Variants in CNTN5 observed in about 807,000 individuals in gnomAD.
CNTN5 encodes contactin-5.
In CNTN5, 77 loss-of-function variants were observed where a neutral mutation model predicts 129.1. That is an observed-to-expected ratio of 0.60 (90% CI 0.50 to 0.72). The LOEUF is 0.72. CNTN5 is among the 30% of genes least tolerant of loss of function. CNTN5 has a pLI of 0.00. For synonymous variants in CNTN5, 509 were observed against 465.6 expected (o/e 1.09, Z -1.20); for missense variants, 1,478 against 1,328.8 (o/e 1.11, Z -1.75).
At chr11:99,118,917 C>A (rs114762457) in intron 1 of CNTN5, among the ~76,000 whole-genome samples, 2 of 151,084 alleles carry the variant, frequency 1.3e-5, no homozygotes, top group African/African-American at 4.9e-5. Flanking sequence ...CTTAATTATG[C>A]TGTATTTATT....
chr11:99,785,423 T>C (rs1945483840), intron 3 of CNTN5, among the ~76,000 whole-genome samples: 1 of 152,152 alleles, frequency 6.6e-6, no homozygotes, highest in Non-Finnish European at 1.5e-5. Flanking sequence ...CATTTGACAA[T>C]TTTTCCTTTT....
At chr11:99,420,737 T>C (rs1942850944) in intron 2 of CNTN5, among the ~76,000 whole-genome samples, 1 of 152,234 alleles carries the variant, frequency 6.6e-6, no homozygotes, top group African/African-American at 2.4e-5. Flanking sequence ...GCTGCTTCAC[T>C]GGTTAACTGT....
At chr11:99,933,843 T>A (rs937360787) in intron 7 of CNTN5, among the ~76,000 whole-genome samples, 1 of 152,244 alleles carries the variant, frequency 6.6e-6, no homozygotes, top group Non-Finnish European at 1.5e-5. Flanking sequence ...AATTTTTGAC[T>A]ATTATGAATA....
chr11:100,215,613 C>T (rs542547997), intron 15 of CNTN5, among the ~76,000 whole-genome samples: 1 of 151,950 alleles, frequency 6.6e-6, no homozygotes, highest in African/African-American at 2.4e-5. Context: ...TTTAAATACC[C>T]CATAATGCAA....
At chr11:100,284,658 T>G (rs1453925985) in intron 18 of CNTN5, among the ~76,000 whole-genome samples, 2 of 152,200 alleles carry the variant, frequency 1.3e-5, no homozygotes, top group African/African-American at 4.8e-5. Context: ...ATGTTCTTAA[T>G]ACGGTTGAAA....
At chr11:99,878,848 C>T (rs547012013) in intron 6 of CNTN5, among the ~76,000 whole-genome samples, 17 of 152,038 alleles carry the variant, frequency 1.1e-4, no homozygotes, top group African/African-American at 2.7e-4. Context: ...AGCGAGACTC[C>T]GTCTCAAAAA....
chr11:99,393,923 A>G (rs550813491), intron 2 of CNTN5, among the ~76,000 whole-genome samples: 1 of 151,854 alleles, frequency 6.6e-6, no homozygotes, highest in South Asian at 2.1e-4. Flanking sequence ...TACACATCAA[A>G]CTGTTTAATT....
At chr11:99,618,548 A>T (rs1950830059) in intron 3 of CNTN5, among the ~76,000 whole-genome samples, 1 of 152,190 alleles carries the variant, frequency 6.6e-6, no homozygotes, top group Non-Finnish European at 1.5e-5. Flanking sequence ...TATCCTAAGA[A>T]TTTCTATCTT....
intron 2 of CNTN5, among the ~76,000 whole-genome samples, chr11:99,505,716 T>C (rs1015680174): frequency 6.6e-6 from 1 of 152,224 alleles, no homozygotes; most frequent in African/African-American, 2.4e-5. Context: ...ATTTTCCACA[T>C]TGAATTTCAT....
At chr11:99,274,532 G>T (rs1230375576) in intron 1 of CNTN5, among the ~76,000 whole-genome samples, 1 of 151,336 alleles carries the variant, frequency 6.6e-6, no homozygotes, top group Non-Finnish European at 1.5e-5. Flanking sequence ...AGTATCTTTT[G>T]TATTAATTCA....
At chr11:99,359,442 G>A (rs375678777) in intron 2 of CNTN5, among the ~76,000 whole-genome samples, 2 of 151,918 alleles carry the variant, frequency 1.3e-5, no homozygotes, top group African/African-American at 4.8e-5. Flanking sequence ...ATTTTAGGGG[G>A]ACACAAACAT....
At chr11:99,767,994 A>G (rs76187970) in intron 3 of CNTN5, among the ~76,000 whole-genome samples, 1,769 of 152,190 alleles carry the variant, frequency 0.012, 35 homozygotes, top group African/African-American at 0.04. Flanking sequence ...ATCTGCTTCT[A>G]TCAGTAGTTT....
intron 8 of CNTN5, among the ~76,000 whole-genome samples, chr11:99,994,188 A>T (rs1939302069): frequency 6.6e-6 from 1 of 152,136 alleles, no homozygotes; most frequent in South Asian, 2.1e-4. Flanking sequence ...CTTCTTTGCA[A>T]TTTATAAATG....
At chr11:100,302,858 AT>A in intron 20 of CNTN5, among the ~76,000 whole-genome samples, 1 of 151,752 alleles carries the variant, frequency 6.6e-6, no homozygotes, top group East Asian at 1.9e-4. Flanking sequence ...AAAATTAATT[AT>A]TTTAGAGAAA....
chr11:99,773,600 T>C (rs1260703613), intron 3 of CNTN5, among the ~76,000 whole-genome samples: 1 of 151,990 alleles, frequency 6.6e-6, no homozygotes, highest in Non-Finnish European at 1.5e-5. Flanking sequence ...GGAAAAAAAA[T>C]GGTCATTTTA....
chr11:99,950,852 G>T (rs1252822510), intron 7 of CNTN5, among the ~76,000 whole-genome samples: 1 of 152,108 alleles, frequency 6.6e-6, no homozygotes, highest in Non-Finnish European at 1.5e-5. Context: ...AATGAAAGAA[G>T]ATTAATATAA....
At chr11:99,631,179 G>A (rs1591388946) in intron 3 of CNTN5, among the ~76,000 whole-genome samples, 2 of 152,056 alleles carry the variant, frequency 1.3e-5, no homozygotes, top group East Asian at 3.9e-4. Context: ...TGTATATGGA[G>A]TATAAGATTT....
chr11:100,145,731 G>A (rs529659712), intron 13 of CNTN5, among the ~76,000 whole-genome samples: 2 of 152,192 alleles, frequency 1.3e-5, no homozygotes, highest in Admixed American at 1.3e-4. Context: ...AGGGACTCTA[G>A]GGATTTAGGT....
intron 1 of CNTN5, among the ~76,000 whole-genome samples, chr11:99,217,571 C>T (rs1860193892): frequency 6.6e-6 from 1 of 152,182 alleles, no homozygotes; most frequent in South Asian, 2.1e-4. Flanking sequence ...TATAGATCCT[C>T]AGATGCACTT....
Sources: gnomAD v4.1 joint callset for allele counts (sites outside exome capture counted in the v4.1 genomes callset) on GRCh38, gnomAD v4.1.1 for gene constraint, MANE v1.5 for transcripts, NCBI Gene and HGNC (gene_info 2026-07-23, HGNC 2026-07-21) for gene names.